The following CWC27 variants were observed in gnomAD, a reference collection of about 807,000 sequenced individuals.
The protein encoded by CWC27 is spliceosome-associated protein CWC27 homolog.
Under a neutral mutation model 63.6 loss-of-function variants are expected in CWC27, and 47 were observed. That is an observed-to-expected ratio of 0.74 (90% CI 0.58 to 0.94). The LOEUF (loss-of-function observed/expected upper bound fraction) is 0.94, where lower values mean the gene tolerates loss of function less well. Ranked by LOEUF, CWC27 falls within the 40% of genes least tolerant of loss-of-function variation. The pLI, the probability that CWC27 is intolerant of heterozygous loss-of-function variation, is 0.00. For synonymous variants in CWC27, 175 were observed against 179.8 expected (o/e 0.97, Z 0.22); for missense variants, 495 against 554.3 (o/e 0.89, Z 1.07).
intron 11 of CWC27, among the ~76,000 whole-genome samples, chr5:64,937,322 A>G (rs944541859): frequency 3.3e-5 from 5 of 152,186 alleles, no homozygotes; most frequent in African/African-American, 7.2e-5. Flanking sequence ...GTTTCAAAGA[A>G]CTTATTTATT....
rs1048354944 is a variant in CWC27, at chr5:64,786,487, A to C, written c.496-37A>C. The C allele has an allele frequency of 6.1e-6, 8 of 1,301,246 alleles. 1 individual carries two copies. The Admixed American group carries it at 2.2e-4, about 36-fold the overall frequency. 80.6% of individuals were successfully genotyped at this position (1,301,246 alleles called of 1,614,324 possible). On this transcript the variant is annotated intron_variant, in intron 5 of 13. Transcript: ENST00000381070. ...GGTTTGATTTTTTGTGAAATGTTAA[A>C]AATGGAATAATGTTTTCGAAATATT...
At chr5:64,939,874 G>T (rs948487817) in intron 11 of CWC27, among the ~76,000 whole-genome samples, 1 of 152,188 alleles carries the variant, frequency 6.6e-6, no homozygotes, top group Non-Finnish European at 1.5e-5. Flanking sequence ...GCTGCACTGG[G>T]CTCCGCCCAG....
At chr5:64,800,755 ATACT>A (rs1744459878) in intron 8 of CWC27, among the ~76,000 whole-genome samples, 1 of 152,186 alleles carries the variant, frequency 6.6e-6, no homozygotes, top group Non-Finnish European at 1.5e-5. Flanking sequence ...AAATTCTCAC[ATACT>A]TTGAGGAGTT....
intron 13 of CWC27, among the ~76,000 whole-genome samples, chr5:64,990,983 G>A (rs1749527495): frequency 6.6e-6 from 1 of 152,188 alleles, no homozygotes; most frequent in South Asian, 2.1e-4. Flanking sequence ...TGTGTGAGGT[G>A]TGGGATGTGG....
At chr5:64,785,298 A>C (rs1273577918) in intron 4 of CWC27, among the ~76,000 whole-genome samples, 183 bp from the exon 5 acceptor site, 1 of 151,824 alleles carries the variant, frequency 6.6e-6, no homozygotes, top group Non-Finnish European at 1.5e-5. Context: ...GGGGGATTGA[A>C]CTCCATCCAT....
At chr5:64,814,269 A>C (rs769337217) in intron 10 of CWC27, among the ~76,000 whole-genome samples, 1 of 151,978 alleles carries the variant, frequency 6.6e-6, no homozygotes, top group Non-Finnish European at 1.5e-5. Flanking sequence ...CTTCCTTTGA[A>C]CTAGGTACTG....
intron 11 of CWC27, among the ~76,000 whole-genome samples, chr5:64,956,455 T>C (rs1381733446): frequency 6.6e-6 from 1 of 152,162 alleles, no homozygotes; most frequent in African/African-American, 2.4e-5. Context: ...TTGTTATGTC[T>C]TGGTTATTAT....
chr5:64,781,387 A>C (rs1251873394), intron 2 of CWC27, among the ~76,000 whole-genome samples: 1 of 152,296 alleles, frequency 6.6e-6, no homozygotes, highest in East Asian at 1.9e-4. Flanking sequence ...TGTGTTAATA[A>C]ATTAATTTCC....
At chr5:64,985,496 G>A (rs1181268063) in intron 13 of CWC27, among the ~76,000 whole-genome samples, 1 of 151,934 alleles carries the variant, frequency 6.6e-6, no homozygotes, top group Non-Finnish European at 1.5e-5. Flanking sequence ...TGTGTTTTTG[G>A]ATTTAAAACC....
intron 11 of CWC27, among the ~76,000 whole-genome samples, chr5:64,920,622 C>A (rs1437349977): frequency 6.6e-6 from 1 of 152,110 alleles, no homozygotes; most frequent in African/African-American, 2.4e-5. Context: ...TTTACTAATT[C>A]AGTTTCAGAA....
intron 13 of CWC27, among the ~76,000 whole-genome samples, chr5:65,000,957 G>T (rs1749721933): frequency 6.6e-6 from 1 of 151,972 alleles, no homozygotes; most frequent in African/African-American, 2.4e-5. Context: ...TGATCCATAA[G>T]CAGAGGATGT....
chr5:64,878,340 A>G (rs1746846057), intron 10 of CWC27, among the ~76,000 whole-genome samples: 1 of 151,566 alleles, frequency 6.6e-6, no homozygotes, highest in Non-Finnish European at 1.5e-5. Context: ...TTTATCATTA[A>G]TTTTCACAGT....
chr5:64,899,345 T>A (rs1259298969), intron 11 of CWC27, among the ~76,000 whole-genome samples: 3 of 152,208 alleles, frequency 2.0e-5, no homozygotes, highest in African/African-American at 4.8e-5. Flanking sequence ...GATTCATCTC[T>A]ATATGCCTAA....
intron 11 of CWC27, among the ~76,000 whole-genome samples, chr5:64,944,053 G>A (rs72758804): frequency 0.13 from 20,434 of 151,660 alleles, 1,799 homozygotes; most frequent in Admixed American, 0.28. Context: ...CCTGCCGCAC[G>A]CCCCCATCAC....
At chr5:64,825,691 T>C (rs1477191010) in intron 10 of CWC27, among the ~76,000 whole-genome samples, 1 of 152,212 alleles carries the variant, frequency 6.6e-6, no homozygotes, top group Admixed American at 6.5e-5. Flanking sequence ...CAGCACTGCT[T>C]TGTCTGCATC....
In CWC27 at chr5:64,774,549, G is replaced by T. The variant is rs148092901; in HGVS notation, c.43-142G>T. The stretch of plus-strand genomic sequence containing the variant: ...TAGTGAATATTTGACATTTTGTTGA[G>T]TATATCAACAAAAGCCAAACACAAT... On this transcript the variant is annotated intron_variant, in intron 1 of 13. Transcript: ENST00000381070. 1,158 of 467,180 alleles carry T rather than the reference G, an allele frequency of 2.5e-3. 7 individuals are homozygous for T. Among genetic ancestry groups the T allele is most frequent in the African/African-American group, 0.021 (1,033 of 49,650 alleles). The allele number at this position is 467,180 out of a possible 1,614,324, so 28.9% of individuals were successfully genotyped here.
chr5:64,772,134 G>C (rs1743279101), intron 1 of CWC27, among the ~76,000 whole-genome samples: 2 of 152,216 alleles, frequency 1.3e-5, no homozygotes, highest in South Asian at 4.1e-4. Flanking sequence ...GGAAGGGCCA[G>C]TATTTGAATT....
chr5:64,893,343 C>T (rs1361667832), intron 11 of CWC27, among the ~76,000 whole-genome samples: 1 of 152,164 alleles, frequency 6.6e-6, no homozygotes. Context: ...CATCTTGCAG[C>T]ACTTAATCAA....
intron 13 of CWC27, among the ~76,000 whole-genome samples, chr5:65,012,897 G>A (rs966777658): frequency 2.0e-5 from 3 of 152,014 alleles, no homozygotes; most frequent in African/African-American, 7.2e-5. Context: ...TTTTTTTTAA[G>A]TTACTGATGC....
Sources: gnomAD v4.1 joint callset for allele counts (sites outside exome capture counted in the v4.1 genomes callset) on GRCh38, gnomAD v4.1.1 for gene constraint, MANE v1.5 for transcripts, NCBI Gene and HGNC (gene_info 2026-07-23, HGNC 2026-07-21) for gene names.